Variants in KNDC1 observed in about 807,000 individuals in gnomAD.
KNDC1 encodes kinase non-catalytic C-lobe domain-containing protein 1.
In KNDC1, 106 loss-of-function variants were observed where a neutral mutation model predicts 172.8. The ratio of observed to expected loss-of-function variants is 0.61; its 90% CI spans 0.52 to 0.72. The LOEUF is 0.72. Among genes scored for constraint, KNDC1 ranks in the 30% least tolerant of loss-of-function variants. The pLI is 0.00. For synonymous variants in KNDC1, 1,083 were observed against 1,062.2 expected (o/e 1.02, Z -0.38); for missense variants, 2,325 against 2,394.5 (o/e 0.97, Z 0.61).
chr10:133,210,524 A>G (rs1589770557), intron 20 of KNDC1, 87 bp from the exon 21 acceptor site: 5 of 798,790 alleles, frequency 6.3e-6, no homozygotes, highest in South Asian at 2.7e-5. Context: ...GCACACACAC[A>G]TACAGTCACA....
Position 133,212,882 on chromosome 10 carries a change from G to A in KNDC1, c.4403G>A (p.Ser1468Asn), listed in dbSNP as rs925309657. ...EKGPYFLTEY[S>N]THQLFSQLTL... is the part of the protein sequence containing the mutation. Reference sequence around the variant, plus strand: ...GGGCCCTACTTCCTGACGGAGTACAGCACTCACCAGCTCTTCAGCCAGCTC... The same window carrying A: ...GGGCCCTACTTCCTGACGGAGTACAACACTCACCAGCTCTTCAGCCAGCTC... Residue 1468 changes from serine (S) to asparagine (N), a missense_variant, in exon 24 of 30, where the codon AGC becomes AAC. Coordinates refer to ENST00000304613, the MANE Select transcript of KNDC1 (RefSeq NM_152643.8). 2 of 1,613,680 alleles carry A rather than the reference G, an allele frequency of 1.2e-6. No homozygotes were observed. Among genetic ancestry groups the A allele is most frequent in the African/African-American group, 1.3e-5 (1 of 75,056 alleles).
chr10:133,207,422 G>A (rs1845235982), intron 20 of KNDC1, 71 bp downstream of exon 20: 1 of 1,380,964 alleles, frequency 7.2e-7, no homozygotes, highest in Non-Finnish European at 1.0e-6. Context: ...GGGGGAACGT[G>A]CCCTCGCCAG....
intron 1 of KNDC1, among the ~76,000 whole-genome samples, chr10:133,160,877 C>T (rs1039258655): frequency 2.0e-5 from 3 of 152,132 alleles, no homozygotes; most frequent in Non-Finnish European, 2.9e-5. Flanking sequence ...GGTCTGCTTA[C>T]TCCCTGCCGG....
At chr10:133,170,805 T>C (rs1163281059) in intron 3 of KNDC1, among the ~76,000 whole-genome samples, 1 of 152,226 alleles carries the variant, frequency 6.6e-6, no homozygotes, top group Non-Finnish European at 1.5e-5. Context: ...CTGCATTCAG[T>C]CGGCTGTGAT....
At chr10:133,201,022 C>T (rs926890764) in intron 16 of KNDC1, among the ~76,000 whole-genome samples, 1 of 152,344 alleles carries the variant, frequency 6.6e-6, no homozygotes, top group African/African-American at 2.4e-5. Flanking sequence ...CAGTTCCTAT[C>T]AAGTCGGAGA....
chr10:133,177,692 G>A (rs1853586756), intron 3 of KNDC1, among the ~76,000 whole-genome samples: 1 of 152,118 alleles, frequency 6.6e-6, no homozygotes, highest in Non-Finnish European at 1.5e-5. Context: ...GCACATGTGT[G>A]TAATGTGTGT....
Position 133,198,701 on chromosome 10 carries a change from G to T in KNDC1, c.2193G>T (p.Gly731=). ...CCCCCAGCCTGAAGACGCCTGACGG[G>T]CCGGTGCCTGGTCCGGGGCCACAGG... ...AGSPSLKTPD[G]PVPGPGPQGA... is the part of the protein sequence containing the mutation. The change falls in exon 14 of 30, where the codon GGG becomes GGT. Residue 731 remains glycine (G), a synonymous_variant. Transcript: ENST00000304613. 1 of 1,578,706 alleles carries T rather than the reference G, an allele frequency of 6.3e-7. No individual in the cohort carries two copies. The highest frequency in any genetic ancestry group is 8.6e-7 in the Non-Finnish European group (1 of 1,163,160).
At chr10:133,166,761 G>A (rs1853172447) in intron 1 of KNDC1, among the ~76,000 whole-genome samples, 1 of 152,044 alleles carries the variant, frequency 6.6e-6, no homozygotes, top group African/African-American at 2.4e-5. Flanking sequence ...GGGGGGTGTG[G>A]GTGTTGGTGG....
At chr10:133,213,835 A>T in intron 25 of KNDC1, 108 bp downstream of exon 25, 1 of 1,432,836 alleles carries the variant, frequency 7.0e-7, no homozygotes, top group Non-Finnish European at 9.8e-7. Context: ...GTGTCTCCAG[A>T]GACGCGAGAG....
chr10:133,212,698 G>A lies in KNDC1; in HGVS notation c.4237-18G>A, dbSNP rs996700761. The A allele has an allele frequency of 6.2e-7, 1 of 1,609,230 alleles. No individual in the cohort carries two copies. The highest frequency in any genetic ancestry group is 8.5e-7 in the Non-Finnish European group (1 of 1,178,204). On this transcript the variant is annotated intron_variant, in intron 23 of 29. Transcript: ENST00000304613. ...GGACACGGAGCTTAGGCCCCTCAGT[G>A]CCCGGCCTGCCCTGCAGAGCTTCCC...
Position 133,200,249 on chromosome 10 carries a change from G to A in KNDC1, c.2904-126G>A, listed in dbSNP as rs969968540. 3.2e-5 allele frequency: 20 copies of A among 617,892 alleles called. No individual in the cohort carries two copies. The African/African-American group carries it at 3.5e-4, about 11-fold the overall frequency. 38.3% of individuals were successfully genotyped at this position (617,892 alleles called of 1,614,324 possible). A position where few individuals can be genotyped will look rare whatever the true frequency, so the allele number is the denominator to read the frequency against. On this transcript the variant is annotated intron_variant, in intron 15 of 29. Coordinates refer to ENST00000304613, the MANE Select transcript of KNDC1 (RefSeq NM_152643.8). ...CTGTGCCCCTTAGTGACTGAGAGGG[G>A]TGAGCTCCTGCCGCCTCCAGCGAGA...
At chr10:133,219,240 T>G in intron 28 of KNDC1, 150 bp downstream of exon 28, 4 of 921,174 alleles carry the variant, frequency 4.3e-6, no homozygotes, top group Non-Finnish European at 6.6e-6. Context: ...GGCCTTGGAG[T>G]CATCTCCCGG....
chr10:133,170,081 C>T (rs2998148), intron 3 of KNDC1, among the ~76,000 whole-genome samples: 1,939 of 152,346 alleles, frequency 0.013, 19 homozygotes, highest in Non-Finnish European at 0.019. Flanking sequence ...ACTGTGTGGC[C>T]ATAATGTGGC....
chr10:133,199,266 G>A lies in KNDC1; in HGVS notation c.2758G>A (p.Gly920Arg). The A allele has an allele frequency of 6.5e-7, 1 of 1,549,762 alleles. No individual in the cohort carries two copies. The highest frequency in any genetic ancestry group is 8.7e-7 in the Non-Finnish European group (1 of 1,145,520). Reference protein sequence around the residue: ...LDNGLEALIMGEYIFALKDLT... With the variant: ...LDNGLEALIMREYIFALKDLT... ...CAATGGGCTGGAGGCTCTGATCATG[G>A]GTACGTGGGGGCCGCAGACGCCCCA... Residue 920 changes from glycine to arginine, a missense_variant and splice_region_variant, in exon 14 of 30, where the codon GGG becomes AGG. By Grantham distance (125) the Gly-to-Arg change is moderately radical. Coordinates refer to ENST00000304613, the MANE Select transcript of KNDC1 (RefSeq NM_152643.8).
chr10:133,168,718 G>A (rs951435664), intron 3 of KNDC1, among the ~76,000 whole-genome samples: 8 of 152,268 alleles, frequency 5.3e-5, no homozygotes, highest in Non-Finnish European at 1.0e-4. Flanking sequence ...CAGCTCCTCT[G>A]AGGGAGTTAG....
intron 5 of KNDC1, among the ~76,000 whole-genome samples, chr10:133,184,570 G>A (rs1212523521): frequency 5.3e-5 from 8 of 152,172 alleles, no homozygotes; most frequent in African/African-American, 1.2e-4. Context: ...CACTGCACAC[G>A]CCCACACCAG....
intron 1 of KNDC1, among the ~76,000 whole-genome samples, chr10:133,166,849 G>A (rs987367802): frequency 4.6e-5 from 7 of 152,130 alleles, no homozygotes; most frequent in South Asian, 2.1e-4. Flanking sequence ...ACATGGGGGC[G>A]GCCGAGCCAC....
At chr10:133,211,602 C>A (rs550298859) in intron 22 of KNDC1, 33 bp downstream of exon 22, 1 of 1,603,932 alleles carries the variant, frequency 6.2e-7, no homozygotes, top group Non-Finnish European at 8.5e-7. Context: ...CGGCCGCACC[C>A]GGGGCTCCCA....
Position 133,211,865 on chromosome 10 carries a change from T to A in KNDC1, c.4236+7T>A. On this transcript the variant is annotated splice_region_variant and intron_variant, in intron 23 of 29. Coordinates refer to ENST00000304613, the MANE Select transcript of KNDC1 (RefSeq NM_152643.8). ...GGACGGCATCTCCAGGAAGGTGGGGTCCTTTCTCAGGGGAGGTCCTCCCTG... is the reference window on the plus strand; with the variant it reads ...GGACGGCATCTCCAGGAAGGTGGGGACCTTTCTCAGGGGAGGTCCTCCCTG... 1 of 1,602,552 alleles carries A rather than the reference T, an allele frequency of 6.2e-7. No homozygotes were observed. The highest frequency in any genetic ancestry group is 8.5e-7 in the Non-Finnish European group (1 of 1,177,724).
Sources: gnomAD v4.1 joint callset for allele counts (sites outside exome capture counted in the v4.1 genomes callset) on GRCh38, gnomAD v4.1.1 for gene constraint, MANE v1.5 for transcripts, NCBI Gene and HGNC (gene_info 2026-07-23, HGNC 2026-07-21) for gene names.